The following FRMD6 variants were observed in gnomAD, a reference collection of about 807,000 sequenced individuals.
The protein encoded by FRMD6 is FERM domain-containing protein 6.
A neutral mutation model predicts 73.2 loss-of-function variants in FRMD6; 37 were observed. The observed-to-expected ratio is 0.51, with a 90% CI of 0.39 to 0.66. The LOEUF (loss-of-function observed/expected upper bound fraction) is 0.66, where lower values mean the gene tolerates loss of function less well. FRMD6 is among the 30% of genes least tolerant of loss of function. FRMD6 has a pLI of 0.00. For synonymous variants in FRMD6, 273 were observed against 282.2 expected (o/e 0.97, Z 0.33); for missense variants, 714 against 780.5 (o/e 0.91, Z 1.02).
At position 51,707,206 on chromosome 14, in the gene FRMD6, G is replaced by A. The variant is rs1486770343; in HGVS notation, c.559-872G>A. On this transcript the variant is annotated intron_variant, in intron 6 of 13. Transcript: ENST00000344768. ...ATCTGTGTAACTTGAGTTCTTAGCAGAACTTGACAACTGACTATTAATTCA... is the reference window on the plus strand; with the variant it reads ...ATCTGTGTAACTTGAGTTCTTAGCAAAACTTGACAACTGACTATTAATTCA... 2.0e-5 allele frequency among the ~76,000 whole-genome samples: 3 copies of A among 152,110 alleles called. No homozygotes were observed. The South Asian group carries it at 6.2e-4, about 32-fold the overall frequency.
chr14:51,462,185 A>G, the FRMD6 span, among the ~76,000 whole-genome samples: 1 of 152,158 alleles, frequency 6.6e-6, no homozygotes, highest in Non-Finnish European at 1.5e-5. Context: ...GTGGGATTGG[A>G]TCCAGTGGAC....
chr14:51,417,617 CA>C, the FRMD6 span, among the ~76,000 whole-genome samples: 1 of 152,272 alleles, frequency 6.6e-6, no homozygotes, highest in South Asian at 2.1e-4. Context: ...GTGAATCTGA[CA>C]ATTATGTGTC....
chr14:51,625,856 G>A (rs1386704886), intron 2 of FRMD6, among the ~76,000 whole-genome samples: 1 of 152,100 alleles, frequency 6.6e-6, no homozygotes. Context: ...AGCATTTACT[G>A]TCTGAATCAT....
At chr14:51,698,451 A>G (rs1426651869) in intron 3 of FRMD6, among the ~76,000 whole-genome samples, 7 of 152,050 alleles carry the variant, frequency 4.6e-5, no homozygotes, top group Non-Finnish European at 8.8e-5. Context: ...TTTATTTATT[A>G]TAGTTTGAAC....
At chr14:51,567,854 C>A (rs35010238) in intron 1 of FRMD6, among the ~76,000 whole-genome samples, 12,643 of 152,272 alleles carry the variant, frequency 0.083, 729 homozygotes, top group East Asian at 0.2. Context: ...AGACTCATAT[C>A]TAATACTTCT....
chr14:51,551,482 C>T (rs1332902689), intron 1 of FRMD6, among the ~76,000 whole-genome samples: 1 of 152,190 alleles, frequency 6.6e-6, no homozygotes, highest in Non-Finnish European at 1.5e-5. Flanking sequence ...GGCCTGTAAT[C>T]TTAGCACTTC....
chr14:51,448,407 G>A, the FRMD6 span, among the ~76,000 whole-genome samples: 3 of 152,198 alleles, frequency 2.0e-5, no homozygotes, highest in African/African-American at 7.2e-5. Flanking sequence ...CATTAAAGTT[G>A]TAAGCTCCTT....
At chr14:51,401,346 A>G in the FRMD6 span, among the ~76,000 whole-genome samples, 730 of 152,312 alleles carry the variant, frequency 4.8e-3, 5 homozygotes, top group African/African-American at 0.017. Context: ...GCTAGGAAAA[A>G]CTGAGCCAAA....
intron 2 of FRMD6, chr14:51,643,483 GA>G (rs2140040402): frequency 6.6e-6 from 1 of 152,310 alleles, no homozygotes; most frequent in Admixed American, 6.5e-5. Context: ...CAAAATGTAA[GA>G]AAACGGATGA....
chr14:51,553,920 A>G (rs1469582083), intron 1 of FRMD6, among the ~76,000 whole-genome samples: 1 of 152,164 alleles, frequency 6.6e-6, no homozygotes, highest in Non-Finnish European at 1.5e-5. Flanking sequence ...GCACCCTAAT[A>G]TCTTATTAGC....
At chr14:51,723,302 G>A (rs769179068) in intron 12 of FRMD6, among the ~76,000 whole-genome samples, 3 of 152,110 alleles carry the variant, frequency 2.0e-5, no homozygotes, top group Non-Finnish European at 4.4e-5. Flanking sequence ...TGTGTATGCC[G>A]CAGTGCCTTT....
chr14:51,513,558 C>T (rs1380293875), intron 1 of FRMD6, among the ~76,000 whole-genome samples: 1 of 152,056 alleles, frequency 6.6e-6, no homozygotes, highest in African/African-American at 2.4e-5. Flanking sequence ...GGCAAATGCT[C>T]TTATGCTCCC....
At chr14:51,504,045 T>C (rs1023898394) in intron 1 of FRMD6, among the ~76,000 whole-genome samples, 10 of 152,146 alleles carry the variant, frequency 6.6e-5, no homozygotes, top group Non-Finnish European at 1.2e-4. Context: ...CTTCTAGTGG[T>C]TGTTTGTATT....
At chr14:51,472,900 A>T in the FRMD6 span, among the ~76,000 whole-genome samples, 2 of 152,254 alleles carry the variant, frequency 1.3e-5, no homozygotes, top group Non-Finnish European at 2.9e-5. Flanking sequence ...TTAATTGAGG[A>T]TAATGTAGTG....
chr14:51,493,883 T>C (rs546438461), intron 1 of FRMD6, among the ~76,000 whole-genome samples: 1 of 152,254 alleles, frequency 6.6e-6, no homozygotes, highest in African/African-American at 2.4e-5. Flanking sequence ...ACAATAGAAA[T>C]TTATTTCTCA....
chr14:51,592,608 T>C (rs1889461083), intron 2 of FRMD6, among the ~76,000 whole-genome samples: 1 of 152,250 alleles, frequency 6.6e-6, no homozygotes, highest in Non-Finnish European at 1.5e-5. Flanking sequence ...TCTACTCATT[T>C]AATTAAAAAT....
intron 2 of FRMD6, among the ~76,000 whole-genome samples, chr14:51,594,889 G>A (rs957427440): frequency 6.6e-6 from 1 of 152,226 alleles, no homozygotes; most frequent in Non-Finnish European, 1.5e-5. Flanking sequence ...GAATTGTTAA[G>A]CAAGAGCAAA....
chr14:51,538,627 GT>G (rs1344515528), intron 1 of FRMD6, among the ~76,000 whole-genome samples: 1 of 152,110 alleles, frequency 6.6e-6, no homozygotes, highest in Non-Finnish European at 1.5e-5. Flanking sequence ...ATATTCAGTT[GT>G]TCTGGCGCAA....
At chr14:51,476,006 G>A in the FRMD6 span, among the ~76,000 whole-genome samples, 8 of 152,082 alleles carry the variant, frequency 5.3e-5, no homozygotes, top group African/African-American at 1.7e-4. Context: ...ATTTGCCCCC[G>A]GCTATTTTAG....
Sources: allele counts gnomAD v4.1 joint callset (sites outside exome capture counted in the v4.1 genomes callset), GRCh38; gene constraint gnomAD v4.1.1; transcripts MANE v1.5; gene names NCBI Gene and HGNC (gene_info 2026-07-23, HGNC 2026-07-21).